TRIM33: variants seen among roughly 807,000 people sequenced by gnomAD.
TRIM33 encodes the protein E3 ubiquitin-protein ligase TRIM33.
TRIM33 carries 20 observed loss-of-function variants against 125.4 expected under a neutral mutation model. The observed-to-expected ratio is 0.16, with a 90% CI of 0.11 to 0.23. The LOEUF (loss-of-function observed/expected upper bound fraction) is 0.23. Among genes scored for constraint, TRIM33 ranks in the 10% least tolerant of loss-of-function variants. TRIM33 has a pLI of 1.00. For synonymous variants in TRIM33, 564 were observed against 513.9 expected (o/e 1.10, Z -1.32); for missense variants, 920 against 1,411.4 (o/e 0.65, Z 5.58).
At chr1:114,433,025 A>G (rs530974060) in intron 5 of TRIM33, among the ~76,000 whole-genome samples, 37 of 152,324 alleles carry the variant, frequency 2.4e-4, no homozygotes, top group Middle Eastern at 3.4e-3. Context: ...TGTAAGAGTC[A>G]TAACTTTGTT....
At chr1:114,425,111 C>G (rs1364857695) in intron 9 of TRIM33, among the ~76,000 whole-genome samples, 2 of 152,138 alleles carry the variant, frequency 1.3e-5, no homozygotes, top group Non-Finnish European at 2.9e-5. Context: ...GAACAAATGC[C>G]TAAGGAACAT....
chr1:114,483,433 T>G lies in TRIM33; in HGVS notation c.527-19045A>C, dbSNP rs530568593. Among the ~76,000 whole-genome samples the G allele has an allele frequency of 2.6e-3, 392 of 151,986 alleles. 2 individuals are homozygous for G. The highest frequency in any genetic ancestry group is 0.01 in the Middle Eastern group (3 of 294). The stretch of plus-strand genomic sequence containing the variant: ...CCAGTTGGGTTTTTTTTTTTTCTTT[T>G]TGAGATGGAGTCTCTGTCTGTGGCC... On this transcript the variant is annotated intron_variant, in intron 1 of 19. Coordinates refer to ENST00000358465, the MANE Select transcript of TRIM33 (RefSeq NM_015906.4).
chr1:114,415,169 T>C (rs1333457569), intron 11 of TRIM33, among the ~76,000 whole-genome samples: 3 of 151,782 alleles, frequency 2.0e-5, no homozygotes, highest in Admixed American at 6.6e-5. Context: ...TCATTTTTAA[T>C]TGTTTTTGTA....
intron 1 of TRIM33, among the ~76,000 whole-genome samples, chr1:114,491,828 A>G (rs1570660485): frequency 6.6e-6 from 1 of 152,156 alleles, no homozygotes; most frequent in South Asian, 2.1e-4. Context: ...AATAAAATAT[A>G]TCGCTGGTTC....
chr1:114,478,223 G>A (rs891867923), intron 1 of TRIM33, among the ~76,000 whole-genome samples: 10 of 152,136 alleles, frequency 6.6e-5, no homozygotes, highest in African/African-American at 2.4e-4. Flanking sequence ...CCTAAAGTCT[G>A]GTCTGAAAAA....
chr1:114,400,118 G>A (rs1255359923), intron 17 of TRIM33, among the ~76,000 whole-genome samples: 9 of 152,238 alleles, frequency 5.9e-5, no homozygotes, highest in South Asian at 2.1e-4. Context: ...TAGTGTTCAC[G>A]CTAGGGAATT....
intron 11 of TRIM33, among the ~76,000 whole-genome samples, chr1:114,411,243 C>T (rs965389029): frequency 6.6e-6 from 1 of 151,932 alleles, no homozygotes; most frequent in Non-Finnish European, 1.5e-5. Flanking sequence ...TGGGATTTTG[C>T]TACATTGCCC....
At chr1:114,480,117 A>G (rs2101478525) in intron 1 of TRIM33, among the ~76,000 whole-genome samples, 1 of 152,288 alleles carries the variant, frequency 6.6e-6, no homozygotes, top group South Asian at 2.1e-4. Context: ...AGGAGACTCC[A>G]TTTTTGTTCT....
intron 1 of TRIM33, among the ~76,000 whole-genome samples, chr1:114,499,760 A>C (rs1652597266): frequency 6.6e-6 from 1 of 152,234 alleles, no homozygotes; most frequent in African/African-American, 2.4e-5. Context: ...ACAGGAGGAC[A>C]CCACCCACAA....
chr1:114,488,981 T>C (rs1181332134), intron 1 of TRIM33, among the ~76,000 whole-genome samples: 1 of 151,978 alleles, frequency 6.6e-6, no homozygotes, highest in African/African-American at 2.4e-5. Flanking sequence ...GCCCAGGAGG[T>C]GGAAGCTGCA....
chr1:114,471,251 A>G (rs1240256042), intron 1 of TRIM33, among the ~76,000 whole-genome samples: 1 of 152,186 alleles, frequency 6.6e-6, no homozygotes, highest in Non-Finnish European at 1.5e-5. Flanking sequence ...GATCAAGACC[A>G]TCCTGGCCAA....
chr1:114,456,734 T>C (rs1649651432), intron 4 of TRIM33, among the ~76,000 whole-genome samples: 1 of 152,146 alleles, frequency 6.6e-6, no homozygotes, highest in South Asian at 2.1e-4. Flanking sequence ...TTAGAGTTGA[T>C]TCGGGTCCCC....
intron 1 of TRIM33, among the ~76,000 whole-genome samples, chr1:114,466,606 A>C (rs1282327132): frequency 2.0e-5 from 3 of 152,102 alleles, no homozygotes; most frequent in Non-Finnish European, 4.4e-5. Context: ...AATGAGACTG[A>C]TCTCCAAAAC....
intron 1 of TRIM33, among the ~76,000 whole-genome samples, chr1:114,499,529 TGAGAATTTCTAA>T (rs1162555551): frequency 6.6e-6 from 1 of 152,094 alleles, no homozygotes; most frequent in Non-Finnish European, 1.5e-5. Flanking sequence ...TGTATAATTC[TGAGAATTTCTAA>T]ATACAAGCCA....
chr1:114,428,862 CT>C (rs547292378), intron 6 of TRIM33, among the ~76,000 whole-genome samples: 3,182 of 142,420 alleles, frequency 0.022, 51 homozygotes, highest in African/African-American at 0.049. Context: ...CCTTAAGAGG[CT>C]TTTTTTTTTT....
At chr1:114,501,821 T>TGTA (rs1553224396) in intron 1 of TRIM33, among the ~76,000 whole-genome samples, 36 of 152,226 alleles carry the variant, frequency 2.4e-4, no homozygotes, top group Admixed American at 2.4e-3. Context: ...ATAAATAGCA[T>TGTA]ATAAGCATTC....
At position 114,394,258 on chromosome 1, in the gene TRIM33, G is replaced by A. The variant is rs894113967; in HGVS notation, c.*3390C>T. ...GAAATGAGATTTTTATATTTCACAT[G>A]TTGTACATGAATGGGGGTGGATATG... On this transcript the variant is annotated 3_prime_UTR_variant, in exon 20 of 20. Coordinates refer to ENST00000358465, the MANE Select transcript of TRIM33 (RefSeq NM_015906.4). 1.7e-5 allele frequency: 4 copies of A among 229,204 alleles called. No individual in the cohort carries two copies. The highest frequency in any genetic ancestry group is 3.5e-5 in the Non-Finnish European group (4 of 115,272). The allele number at this position is 229,204 out of a possible 1,614,324, so 14.2% of individuals were successfully genotyped here. A position where few individuals can be genotyped will look rare whatever the true frequency, so the allele number is the denominator to read the frequency against.
chr1:114,424,666 A>G lies in TRIM33; in HGVS notation c.1785T>C (p.Asn595=). Residue 595 remains asparagine, a synonymous_variant, in exon 10 of 20, where the codon AAT becomes AAC. Transcript: ENST00000358465. ...FQAHQMRLAQ[N]AARIPGIPRH... is the part of the protein sequence containing the mutation. The stretch of plus-strand genomic sequence containing the variant: ...TGGGTATCCCTGGTATTCTGGCAGC[A>G]TTCTGAGCCAGTCTCATCTGATGGG... 2 of 1,612,020 alleles carry G rather than the reference A, an allele frequency of 1.2e-6. No individual in the cohort carries two copies. Among genetic ancestry groups the G allele is most frequent in the Non-Finnish European group, 1.7e-6 (2 of 1,178,834 alleles).
At chr1:114,508,850 C>T (rs1211353841) in intron 1 of TRIM33, among the ~76,000 whole-genome samples, 1 of 152,156 alleles carries the variant, frequency 6.6e-6, no homozygotes, top group Admixed American at 6.5e-5. Flanking sequence ...TTCATTCTCT[C>T]AATAACCCTA....
Sources: allele counts gnomAD v4.1 joint callset (sites outside exome capture counted in the v4.1 genomes callset), GRCh38; gene constraint gnomAD v4.1.1; transcripts MANE v1.5; gene names NCBI Gene and HGNC (gene_info 2026-07-23, HGNC 2026-07-21).